CALN1: variants seen among roughly 807,000 people sequenced by gnomAD.
CALN1 encodes calneuron 1.
CALN1 carries 17 observed loss-of-function variants against 30.6 expected under a neutral mutation model. That is an observed-to-expected ratio of 0.56 (90% confidence interval 0.38 to 0.83). The LOEUF is 0.83. CALN1 is among the 40% of genes least tolerant of loss of function. The pLI, the probability that CALN1 is intolerant of heterozygous loss-of-function variation, is 0.00. For synonymous variants in CALN1, 156 were observed against 131.4 expected, an observed-to-expected ratio of 1.19 and a Z score of -1.28; for missense variants, 291 against 354.9, an observed-to-expected ratio of 0.82 and a Z score of 1.45.
chr7:71,899,308 G>A (rs1467894132), intron 5 of CALN1, among the ~76,000 whole-genome samples: 3 of 151,924 alleles, frequency 2.0e-5, no homozygotes, highest in South Asian at 2.1e-4. Context: ...CGTGCCTGGC[G>A]AATTTTGTAT....
intron 5 of CALN1, among the ~76,000 whole-genome samples, chr7:71,904,695 A>G (rs1408461826): frequency 6.6e-6 from 1 of 152,210 alleles, no homozygotes. Flanking sequence ...GGACAAATGC[A>G]TTCTCCACAA....
intron 2 of CALN1, among the ~76,000 whole-genome samples, chr7:72,376,928 A>G (rs1487304021): frequency 6.6e-6 from 1 of 152,186 alleles, no homozygotes; most frequent in Non-Finnish European, 1.5e-5. Flanking sequence ...TCTCAACATT[A>G]TTTGTTGAAA....
intron 5 of CALN1, among the ~76,000 whole-genome samples, chr7:71,994,720 CT>C (rs1440395756): frequency 2.6e-5 from 4 of 152,024 alleles, no homozygotes; most frequent in Non-Finnish European, 5.9e-5. Context: ...GTTGCCAGTT[CT>C]GTGCTGAAAT....
chr7:71,979,082 C>A (rs141023705), intron 5 of CALN1, among the ~76,000 whole-genome samples: 1 of 152,180 alleles, frequency 6.6e-6, no homozygotes, highest in East Asian at 1.9e-4. Flanking sequence ...GTCAGGCAAG[C>A]CTACTGCCCC....
At chr7:72,254,015 A>G (rs1465347967) in intron 3 of CALN1, among the ~76,000 whole-genome samples, 1 of 152,108 alleles carries the variant, frequency 6.6e-6, no homozygotes, top group Non-Finnish European at 1.5e-5. Context: ...TGCTGAGATT[A>G]CAGGCATGAG....
intron 3 of CALN1, among the ~76,000 whole-genome samples, chr7:72,115,342 G>A (rs1038025300): frequency 3.4e-4 from 50 of 145,262 alleles, no homozygotes; most frequent in African/African-American, 1.2e-3. Flanking sequence ...ATCTCCACCT[G>A]GATTTTTTTT....
intron 5 of CALN1, among the ~76,000 whole-genome samples, chr7:71,852,878 G>A (rs940382866): frequency 1.3e-5 from 2 of 152,154 alleles, no homozygotes; most frequent in African/African-American, 4.8e-5. Context: ...GAAATAACTA[G>A]ATGTTGAGCA....
At chr7:71,808,970 G>A (rs1584264938) in intron 6 of CALN1, among the ~76,000 whole-genome samples, 1 of 152,124 alleles carries the variant, frequency 6.6e-6, no homozygotes, top group Admixed American at 6.6e-5. Flanking sequence ...ACCCCATCCT[G>A]CCCTTATAAG....
intron 2 of CALN1, among the ~76,000 whole-genome samples, chr7:72,312,269 T>G (rs1034874997): frequency 2.0e-5 from 3 of 151,656 alleles, no homozygotes; most frequent in Admixed American, 2.0e-4. Context: ...CAGGGTGTGG[T>G]GGTGCATATC....
At chr7:72,281,018 C>T (rs1562833566) in intron 2 of CALN1, among the ~76,000 whole-genome samples, 1 of 151,988 alleles carries the variant, frequency 6.6e-6, no homozygotes, top group Non-Finnish European at 1.5e-5. Flanking sequence ...GTAGTGCACA[C>T]CTGTAATCTC....
At chr7:72,412,955 T>C (rs1451507237), upstream of CALN1, among the ~76,000 whole-genome samples, 1 of 152,202 alleles carries the variant, frequency 6.6e-6, no homozygotes, top group Admixed American at 6.5e-5. Flanking sequence ...GCAGCTGGTC[T>C]AGCTCCGAGA....
At chr7:72,461,774 G>A in the CALN1 span, among the ~76,000 whole-genome samples, 4 of 152,198 alleles carry the variant, frequency 2.6e-5, no homozygotes, top group African/African-American at 7.2e-5. Context: ...TTGGGAGGCC[G>A]AGGTGGGTGG....
At chr7:71,933,115 A>G (rs572309890) in intron 5 of CALN1, among the ~76,000 whole-genome samples, 5 of 152,238 alleles carry the variant, frequency 3.3e-5, no homozygotes, top group South Asian at 4.2e-4. Context: ...GCATGGGTGA[A>G]TGCCATCAAG....
chr7:72,341,609 C>G (rs1802389603), intron 2 of CALN1, among the ~76,000 whole-genome samples: 2 of 152,158 alleles, frequency 1.3e-5, no homozygotes, highest in African/African-American at 4.8e-5. Context: ...GTGGGGGCCT[C>G]CCACATAACC....
At chr7:72,204,559 C>T (rs1403277961) in intron 3 of CALN1, among the ~76,000 whole-genome samples, 1 of 152,098 alleles carries the variant, frequency 6.6e-6, no homozygotes, top group Non-Finnish European at 1.5e-5. Context: ...ACTTAGTTCA[C>T]GAGGTAAAAT....
chr7:72,203,543 CA>C (rs1367025889), intron 3 of CALN1, among the ~76,000 whole-genome samples: 1 of 152,054 alleles, frequency 6.6e-6, no homozygotes. Flanking sequence ...TGGTTTCTGC[CA>C]ACTTCCAGAA....
At chr7:72,368,179 G>A (rs1185199814) in intron 2 of CALN1, among the ~76,000 whole-genome samples, 1 of 151,122 alleles carries the variant, frequency 6.6e-6, no homozygotes, top group Non-Finnish European at 1.5e-5. Flanking sequence ...GTGTATATAT[G>A]TGTATCTGTA....
chr7:72,188,965 C>T (rs1790409604), intron 3 of CALN1, among the ~76,000 whole-genome samples: 1 of 152,166 alleles, frequency 6.6e-6, no homozygotes, highest in Admixed American at 6.5e-5. Context: ...AGGGACTAAG[C>T]CTTCCTCCTA....
intron 5 of CALN1, among the ~76,000 whole-genome samples, chr7:72,003,350 G>A (rs551351478): frequency 6.6e-6 from 1 of 152,256 alleles, no homozygotes; most frequent in South Asian, 2.1e-4. Flanking sequence ...TGAAAGGAGA[G>A]ACATATTGCT....
Sources: gnomAD v4.1 joint callset for allele counts (sites outside exome capture counted in the v4.1 genomes callset) on GRCh38, gnomAD v4.1.1 for gene constraint, MANE v1.5 for transcripts, NCBI Gene and HGNC (gene_info 2026-07-23, HGNC 2026-07-21) for gene names.